Variants in SORT1 observed in about 807,000 individuals in gnomAD.
The protein encoded by SORT1 is sortilin 1.
A neutral mutation model predicts 101.7 loss-of-function variants in SORT1; 39 were observed. The ratio of observed to expected loss-of-function variants is 0.38; its 90% CI spans 0.30 to 0.50. The LOEUF (loss-of-function observed/expected upper bound fraction) is 0.50. Ranked by LOEUF, SORT1 falls within the 20% of genes least tolerant of loss-of-function variation. SORT1 has a pLI of 0.90. For synonymous variants in SORT1, 396 were observed against 393.7 expected (o/e 1.01, Z -0.07); for missense variants, 878 against 1,040.4 (o/e 0.84, Z 2.15).
At chr1:109,372,898 CAAAA>C (rs34712891) in intron 1 of SORT1, among the ~76,000 whole-genome samples, 1 of 98,308 alleles carries the variant, frequency 1.0e-5, no homozygotes. Flanking sequence ...GGCTCCGTCT[CAAAA>C]AAAAAAAAAA....
In SORT1 at chr1:109,394,630, C is replaced by A. The variant is rs563336867; in HGVS notation, c.306+2957G>T. On this transcript the variant is annotated intron_variant, in intron 1 of 19. Transcript: ENST00000256637. ...ATCCTCATAAGCCACAGACACAGGT[C>A]TAGTAGTTTGCTATAACCTTCTGAG... 9.2e-5 allele frequency among the ~76,000 whole-genome samples: 14 copies of A among 152,304 alleles called. No homozygotes were observed. In the East Asian group the frequency reaches 2.7e-3, roughly 29 times the overall value.
At chr1:109,396,315 A>G (rs1653173115) in intron 1 of SORT1, among the ~76,000 whole-genome samples, 1 of 152,172 alleles carries the variant, frequency 6.6e-6, no homozygotes, top group Non-Finnish European at 1.5e-5. Flanking sequence ...CAAGGAAGGA[A>G]GTGGTCCAGT....
At chr1:109,381,870 G>T (rs575610356) in intron 1 of SORT1, among the ~76,000 whole-genome samples, 20 of 141,016 alleles carry the variant, frequency 1.4e-4, no homozygotes, top group African/African-American at 5.2e-4. Flanking sequence ...CCTTAAAAAA[G>T]AAAAAAAAAA....
chr1:109,396,758 G>A (rs939630143), intron 1 of SORT1, among the ~76,000 whole-genome samples: 3 of 152,210 alleles, frequency 2.0e-5, no homozygotes, highest in African/African-American at 7.2e-5. Flanking sequence ...AATACATTAT[G>A]CAAATGTGGC....
intron 3 of SORT1, among the ~76,000 whole-genome samples, chr1:109,356,002 G>C (rs1650294854): frequency 6.6e-6 from 1 of 152,064 alleles, no homozygotes; most frequent in African/African-American, 2.4e-5. Flanking sequence ...CTCCCGAGTA[G>C]CTGGAATTAC....
At chr1:109,371,337 G>A (rs543058177) in intron 1 of SORT1, among the ~76,000 whole-genome samples, 1 of 152,318 alleles carries the variant, frequency 6.6e-6, no homozygotes, top group South Asian at 2.1e-4. Flanking sequence ...TCTCTTGAGT[G>A]AGGATAGTGT....
In SORT1 at chr1:109,336,297, C is replaced by T. The variant is rs747468840; in HGVS notation, c.1314G>A (p.Thr438=). 57 of 1,613,338 alleles carry T rather than the reference C, an allele frequency of 3.5e-5. No homozygotes were observed. Among genetic ancestry groups the T allele is most frequent in the Non-Finnish European group, 4.5e-5 (53 of 1,179,384 alleles). The change falls in exon 11 of 20, where the codon ACG becomes ACA. Residue 438 remains threonine (T), a synonymous_variant. Transcript: ENST00000256637. ...MITFDQGGRW[T]HLRKPENSEC... ...CACTGTTTTCAGGCTTCCTCAGGTG[C>T]GTCCACCTTCCTCCTTGGTCAAAAG...
chr1:109,331,104 C>T (rs369328407), intron 11 of SORT1, among the ~76,000 whole-genome samples: 1 of 152,170 alleles, frequency 6.6e-6, no homozygotes, highest in Non-Finnish European at 1.5e-5. Context: ...TGGAACACTT[C>T]CAAACTCATT....
At chr1:109,374,894 G>T in intron 1 of SORT1, among the ~76,000 whole-genome samples, 1 of 152,196 alleles carries the variant, frequency 6.6e-6, no homozygotes, top group East Asian at 1.9e-4. Flanking sequence ...GGGAGGTGGA[G>T]GCTGTATTGA....
chr1:109,353,328 C>CAAAAAAAAAAAA (rs1228771965), intron 5 of SORT1, among the ~76,000 whole-genome samples: 1 of 61,056 alleles, frequency 1.6e-5, no homozygotes, highest in Non-Finnish European at 3.3e-5. Flanking sequence ...AACTCTGTCT[C>CAAAAAAAAAAAA]AAAAAAAAAA....
At chr1:109,335,932 T>G (rs1648793013) in intron 11 of SORT1, among the ~76,000 whole-genome samples, 1 of 152,254 alleles carries the variant, frequency 6.6e-6, no homozygotes, top group South Asian at 2.1e-4. Context: ...GTCTCCCAGC[T>G]GCCAAGCTGA....
intron 13 of SORT1, among the ~76,000 whole-genome samples, chr1:109,325,927 GGAGGCA>G (rs1647977563): frequency 6.6e-6 from 1 of 152,080 alleles, no homozygotes; most frequent in Non-Finnish European, 1.5e-5. Flanking sequence ...TTTGAACCTG[GGAGGCA>G]GAGGTTGCAG....
chr1:109,340,678 A>G (rs1649152085), intron 10 of SORT1, 46 bp downstream of exon 10: 1 of 1,603,268 alleles, frequency 6.2e-7, no homozygotes, highest in South Asian at 1.1e-5. Flanking sequence ...AAATCCTACC[A>G]CATGCAGCTG....
rs188786784 is a variant in SORT1, at chr1:109,350,022, T to C, written c.782+907A>G. On this transcript the variant is annotated intron_variant, in intron 6 of 19. Coordinates refer to ENST00000256637, the MANE Select transcript of SORT1 (RefSeq NM_002959.7). Reference sequence around the variant, plus strand: ...TAGCACTAAATAATTTAATACTGTTTATTCTCTAAGTTTTTGTCTGCTCTT... The same window carrying C: ...TAGCACTAAATAATTTAATACTGTTCATTCTCTAAGTTTTTGTCTGCTCTT... 4.6e-5 allele frequency among the ~76,000 whole-genome samples: 7 copies of C among 152,322 alleles called. No homozygotes were observed. In the East Asian group the frequency reaches 1.2e-3, roughly 25 times the overall value.
chr1:109,324,590 T>C (rs1289725716), intron 14 of SORT1, among the ~76,000 whole-genome samples: 1 of 152,200 alleles, frequency 6.6e-6, no homozygotes, highest in South Asian at 2.1e-4. Flanking sequence ...GTTGAAATGA[T>C]AATATTTTGG....
chr1:109,323,126 A>G lies in SORT1; in HGVS notation c.1835-5T>C, dbSNP rs991820156. ...TGGTATAGTCCTTCTCTTCACCTAA[A>G]GGAGAGACACACTGTTCAGGAAAGT... On this transcript the variant is annotated splice_polypyrimidine_tract_variant and splice_region_variant and intron_variant, in intron 14 of 19. Coordinates refer to ENST00000256637, the MANE Select transcript of SORT1 (RefSeq NM_002959.7). 2 of 1,610,614 alleles carry G rather than the reference A, an allele frequency of 1.2e-6. No homozygotes were observed. Among genetic ancestry groups the G allele is most frequent in the African/African-American group, 2.7e-5 (2 of 74,884 alleles).
At chr1:109,327,630 G>T (rs1433410007) in intron 11 of SORT1, 29 bp from the exon 12 acceptor site, 2 of 1,381,680 alleles carry the variant, frequency 1.4e-6, no homozygotes, top group South Asian at 1.3e-5. Flanking sequence ...GCGTAGATTA[G>T]AACCAAAGAT....
chr1:109,387,320 C>CT (rs1405738610), intron 1 of SORT1, among the ~76,000 whole-genome samples: 8 of 151,746 alleles, frequency 5.3e-5, no homozygotes, highest in African/African-American at 1.7e-4. Context: ...AAATAAATAA[C>CT]TTTAAGTTAT....
At position 109,316,286 on chromosome 1, in the gene SORT1, C is replaced by T. The variant is rs921589034; in HGVS notation, c.2250+564G>A. On this transcript the variant is annotated intron_variant, in intron 17 of 19. Transcript: ENST00000256637. The stretch of plus-strand genomic sequence containing the variant: ...AGGTTGGAGTGTAGCAGCACGATCT[C>T]GGCTCACTGCAACCTCCACCTCCCA... 4.5e-4 allele frequency among the ~76,000 whole-genome samples: 68 copies of T among 151,114 alleles called. 1 individual carries two copies. Among genetic ancestry groups the T allele is most frequent in the Admixed American group, 4.0e-3 (61 of 15,208 alleles).
Sources: gnomAD v4.1 joint callset for allele counts (sites outside exome capture counted in the v4.1 genomes callset) on GRCh38, gnomAD v4.1.1 for gene constraint, MANE v1.5 for transcripts, NCBI Gene and HGNC (gene_info 2026-07-23, HGNC 2026-07-21) for gene names.